Variants in RGS7 observed in about 807,000 individuals in gnomAD.
The protein encoded by RGS7 is regulator of G-protein signaling 7.
RGS7 carries 27 observed loss-of-function variants against 81.1 expected under a neutral mutation model. The observed-to-expected ratio is 0.33, with a 90% CI of 0.25 to 0.46. The LOEUF is 0.46. Ranked by LOEUF, RGS7 falls within the 20% of genes least tolerant of loss-of-function variation. The pLI is 1.00. For missense variants in RGS7, 396 were observed against 607.4 expected, an observed-to-expected ratio of 0.65 and a Z score of 3.66; for synonymous variants, 208 against 207.7, an observed-to-expected ratio of 1.00 and a Z score of -0.01.
At chr1:241,307,589 TA>T (rs1490637747) in intron 2 of RGS7, among the ~76,000 whole-genome samples, 7 of 152,222 alleles carry the variant, frequency 4.6e-5, no homozygotes, top group Admixed American at 3.9e-4. Flanking sequence ...AAAGAGAAGA[TA>T]AAAAGAGGAT....
Position 241,250,508 on chromosome 1 carries a change from A to C in RGS7, c.78+105191T>G, listed in dbSNP as rs572339500. ...CACTCACCTTCTGCAAAGTAACAAA[A>C]GCACTTTAAAATGTGAGAATAAATG... On this transcript the variant is annotated intron_variant, in intron 2 of 18. Coordinates refer to ENST00000440928, the MANE Select transcript of RGS7 (RefSeq NM_001364886.1). 1.2e-4 allele frequency among the ~76,000 whole-genome samples: 19 copies of C among 152,292 alleles called. No homozygotes were observed. The South Asian group carries it at 3.5e-3, about 28-fold the overall frequency.
intron 6 of RGS7, among the ~76,000 whole-genome samples, chr1:240,873,073 C>T (rs752750897): frequency 1.3e-4 from 19 of 150,742 alleles, no homozygotes; most frequent in Non-Finnish European, 2.5e-4. Flanking sequence ...AGCAAGACTC[C>T]GTCTAAAAAA....
intron 10 of RGS7, among the ~76,000 whole-genome samples, chr1:240,821,044 AAAG>A (rs1260295067): frequency 6.6e-6 from 1 of 152,174 alleles, no homozygotes; most frequent in Non-Finnish European, 1.5e-5. Context: ...CAGTACACAG[AAAG>A]AAGCAGAGAG....
intron 2 of RGS7, among the ~76,000 whole-genome samples, chr1:241,106,752 C>CCACCACACACACACACACACA (rs1553421291): frequency 3.3e-5 from 4 of 121,684 alleles, no homozygotes; most frequent in African/African-American, 1.3e-4. Context: ...AACACCACCA[C>CCACCACACACACACACACACA]CACACACACA....
intron 9 of RGS7, among the ~76,000 whole-genome samples, chr1:240,859,700 T>C (rs1572455816): frequency 6.6e-6 from 1 of 152,176 alleles, no homozygotes; most frequent in East Asian, 1.9e-4. Context: ...CTCTTGCCAT[T>C]CTCATTGATA....
intron 2 of RGS7, among the ~76,000 whole-genome samples, chr1:241,330,262 G>A (rs1045346325): frequency 1.3e-5 from 2 of 152,188 alleles, no homozygotes; most frequent in African/African-American, 2.4e-5. Context: ...GCTAACTCAA[G>A]TGAGGGCCCA....
intron 2 of RGS7, among the ~76,000 whole-genome samples, chr1:241,351,411 CCT>C (rs1173701659): frequency 5.6e-5 from 6 of 107,274 alleles, no homozygotes; most frequent in African/African-American, 2.1e-4. Flanking sequence ...AGAGCAATAC[CCT>C]GACTTTATTT....
Position 241,353,844 on chromosome 1 carries a change from A to G in RGS7, c.78+1855T>C, listed in dbSNP as rs147231612. On this transcript the variant is annotated intron_variant, in intron 2 of 18. Coordinates refer to ENST00000440928, the MANE Select transcript of RGS7 (RefSeq NM_001364886.1). Reference sequence around the variant, plus strand: ...ATACAACACTGTGTAGAGTAAACCCAAAATTACCAATATGAGGCTCAGGTA... The same window carrying G: ...ATACAACACTGTGTAGAGTAAACCCGAAATTACCAATATGAGGCTCAGGTA... Among the ~76,000 whole-genome samples, 816 of 152,256 alleles carry G rather than the reference A, an allele frequency of 5.4e-3. 11 individuals carry two copies. The highest frequency in any genetic ancestry group is 0.019 in the African/African-American group (775 of 41,552).
chr1:241,095,014 T>G (rs1450868801), intron 3 of RGS7, among the ~76,000 whole-genome samples: 1 of 152,306 alleles, frequency 6.6e-6, no homozygotes, highest in East Asian at 1.9e-4. Context: ...CCTAACTGCT[T>G]TTTCCTTCCC....
chr1:241,063,884 A>G (rs761761064), intron 3 of RGS7, among the ~76,000 whole-genome samples: 13 of 152,168 alleles, frequency 8.5e-5, no homozygotes, highest in Non-Finnish European at 1.5e-4. Flanking sequence ...ACACTGCCAC[A>G]TGAAGGAAAT....
intron 2 of RGS7, among the ~76,000 whole-genome samples, chr1:241,143,263 G>A (rs939794614): frequency 6.6e-6 from 1 of 152,132 alleles, no homozygotes; most frequent in Non-Finnish European, 1.5e-5. Context: ...ATTTCCACAT[G>A]TTTGGGTATC....
chr1:241,127,584 C>T (rs893853512), intron 2 of RGS7, among the ~76,000 whole-genome samples: 1 of 151,952 alleles, frequency 6.6e-6, no homozygotes, highest in African/African-American at 2.4e-5. Flanking sequence ...GGAGATATAC[C>T]TAATGCTAAA....
At chr1:241,334,487 G>A (rs984497829) in intron 2 of RGS7, among the ~76,000 whole-genome samples, 10 of 152,118 alleles carry the variant, frequency 6.6e-5, no homozygotes, top group African/African-American at 2.4e-4. Context: ...GGGCCTCTGA[G>A]CCAGTCCACC....
intron 15 of RGS7, among the ~76,000 whole-genome samples, chr1:240,804,654 A>G (rs1370045068): frequency 6.6e-6 from 1 of 152,164 alleles, no homozygotes; most frequent in Non-Finnish European, 1.5e-5. Flanking sequence ...CATTTTCCAC[A>G]TTGTTGGCTC....
intron 2 of RGS7, among the ~76,000 whole-genome samples, chr1:241,106,315 A>C (rs541036636): frequency 1.8e-4 from 27 of 152,340 alleles, no homozygotes; most frequent in Non-Finnish European, 2.2e-4. Context: ...TTCATATTAA[A>C]AAACTGCCAT....
chr1:240,824,542 C>T (rs7544461), intron 10 of RGS7, among the ~76,000 whole-genome samples: 5,097 of 152,336 alleles, frequency 0.033, 299 homozygotes, highest in African/African-American at 0.11. Context: ...GATCTCACAG[C>T]GTCACCTGCT....
rs556786730 is a variant in RGS7, at chr1:241,003,325, G to A, written c.176-20196C>T. ...AAATACAAAAAATTAGCCGGGCGTCGTGGCAGGTGCCTGTAGTCCCAGCTA... is the reference window on the plus strand; with the variant it reads ...AAATACAAAAAATTAGCCGGGCGTCATGGCAGGTGCCTGTAGTCCCAGCTA... On this transcript the variant is annotated intron_variant, in intron 3 of 18. Transcript: ENST00000440928. Among the ~76,000 whole-genome samples the A allele has an allele frequency of 1.8e-4, 28 of 152,056 alleles. 1 individual carries two copies. Among genetic ancestry groups the A allele is most frequent in the East Asian group, 7.8e-4 (4 of 5,124 alleles).
Position 241,068,280 on chromosome 1 carries a change from T to G in RGS7, c.175+30386A>C, listed in dbSNP as rs181953213. 1.4e-3 allele frequency among the ~76,000 whole-genome samples: 85 copies of G among 62,060 alleles called. 4 individuals carry two copies. Among genetic ancestry groups the G allele is most frequent in the African/African-American group, 3.5e-3 (61 of 17,488 alleles). The allele number at this position is 62,060 out of a possible 152,430, so 40.7% of individuals were successfully genotyped here. On this transcript the variant is annotated intron_variant, in intron 3 of 18. Transcript: ENST00000440928. ...TATAAAATATTGTGTATATATAATA[T>G]TACGTGTATAATCATGTTTTAAAGA... is the stretch of plus-strand genomic sequence containing the variant.
chr1:241,211,456 A>C (rs780752533), intron 2 of RGS7, among the ~76,000 whole-genome samples: 1 of 152,186 alleles, frequency 6.6e-6, no homozygotes, highest in African/African-American at 2.4e-5. Flanking sequence ...TGTCACCGTC[A>C]CCGTAGCTGG....
Sources: allele counts gnomAD v4.1 joint callset (sites outside exome capture counted in the v4.1 genomes callset), GRCh38; gene constraint gnomAD v4.1.1; transcripts MANE v1.5; gene names NCBI Gene and HGNC (gene_info 2026-07-23, HGNC 2026-07-21).